The following PCNX2 variants were observed in gnomAD, a reference collection of about 807,000 sequenced individuals.
The protein encoded by PCNX2 is pecanex-like protein 2.
A neutral mutation model predicts 223.8 loss-of-function variants in PCNX2; 168 were observed. The ratio of observed to expected loss-of-function variants is 0.75; its 90% CI spans 0.66 to 0.85. PCNX2 has a LOEUF of 0.85. Among genes scored for constraint, PCNX2 ranks in the 40% least tolerant of loss-of-function variants. The pLI, the probability that PCNX2 is intolerant of heterozygous loss-of-function variation, is 0.00. For synonymous variants in PCNX2, 1,006 were observed against 1,052.6 expected, an observed-to-expected ratio of 0.96 and a Z score of 0.86; for missense variants, 2,507 against 2,675.5, an observed-to-expected ratio of 0.94 and a Z score of 1.39.
At chr1:233,199,191 A>G (rs1380728773) in intron 14 of PCNX2, among the ~76,000 whole-genome samples, 161 bp from the exon 15 acceptor site, 1 of 152,234 alleles carries the variant, frequency 6.6e-6, no homozygotes, top group Non-Finnish European at 1.5e-5. Flanking sequence ...GGTGACTCAC[A>G]GGTGCAAGAA....
At chr1:233,090,682 G>A (rs920322445) in intron 22 of PCNX2, among the ~76,000 whole-genome samples, 4 of 152,116 alleles carry the variant, frequency 2.6e-5, no homozygotes, top group Non-Finnish European at 5.9e-5. Context: ...TAGGTAGATG[G>A]ATACACAGAT....
In PCNX2 at chr1:232,990,414, G is replaced by A. The variant is rs920579652; in HGVS notation, c.5792-3874C>T. Reference sequence around the variant, plus strand: ...ATCACATCTTGGAGGGATTCTGGCCGGGGGATTGGGGCACCAAGGTCATGA... The same window carrying A: ...ATCACATCTTGGAGGGATTCTGGCCAGGGGATTGGGGCACCAAGGTCATGA... On this transcript the variant is annotated intron_variant, in intron 32 of 33. Coordinates refer to ENST00000258229, the MANE Select transcript of PCNX2 (RefSeq NM_014801.4). This position sits in a 1 kb window ranked among gnomAD's most constrained non-coding sequence, Gnocchi z 4.3. 3.9e-5 allele frequency among the ~76,000 whole-genome samples: 6 copies of A among 152,138 alleles called. No individual in the cohort carries two copies. Among genetic ancestry groups the A allele is most frequent in the Admixed American group, 6.5e-5 (1 of 15,278 alleles).
Position 232,991,308 on chromosome 1 carries a change from G to A in PCNX2, c.5792-4768C>T, listed in dbSNP as rs937583004. ...CAGCAGCTGAGGGGGCCCTGGAAAG[G>A]AGAATGCTTGACACTGTTGAGGGAC... On this transcript the variant is annotated intron_variant, in intron 32 of 33. Coordinates refer to ENST00000258229, the MANE Select transcript of PCNX2 (RefSeq NM_014801.4). This position sits in a 1 kb window ranked among gnomAD's most constrained non-coding sequence, Gnocchi z 4.3. Among the ~76,000 whole-genome samples the A allele has an allele frequency of 2.6e-5, 4 of 152,098 alleles. No homozygotes were observed. The highest frequency in any genetic ancestry group is 9.7e-5 in the African/African-American group (4 of 41,414).
chr1:233,112,841 T>G (rs1359225313), intron 21 of PCNX2: 1 of 1,278,724 alleles, frequency 7.8e-7, no homozygotes, highest in African/African-American at 1.5e-5. Flanking sequence ...AAGCTGACTC[T>G]TACTTTGAAG....
intron 15 of PCNX2, among the ~76,000 whole-genome samples, chr1:233,192,403 T>C (rs1202650848): frequency 6.6e-6 from 1 of 152,192 alleles, no homozygotes; most frequent in Non-Finnish European, 1.5e-5. Flanking sequence ...ACTGTCCTAA[T>C]ATTAAATCTT....
intron 32 of PCNX2, among the ~76,000 whole-genome samples, chr1:232,988,060 T>C (rs1669557254): frequency 6.6e-6 from 1 of 152,224 alleles, no homozygotes; most frequent in African/African-American, 2.4e-5. Context: ...GGCTGAGTAG[T>C]TGAATATATT....
At chr1:233,086,743 A>T (rs970857495) in intron 23 of PCNX2, among the ~76,000 whole-genome samples, 23 of 152,180 alleles carry the variant, frequency 1.5e-4, no homozygotes, top group South Asian at 1.2e-3. Flanking sequence ...CCCCATTTCA[A>T]GTGCTTGGTA....
intron 10 of PCNX2, 82 bp from the exon 11 acceptor site, chr1:233,218,266 T>C: frequency 1.0e-6 from 1 of 969,848 alleles, no homozygotes; most frequent in Non-Finnish European, 1.4e-6. Flanking sequence ...TTTTTTTTTC[T>C]GAGATGGAAT....
chr1:233,255,633 C>T (rs1181157437), intron 5 of PCNX2, among the ~76,000 whole-genome samples: 1 of 152,114 alleles, frequency 6.6e-6, no homozygotes, highest in African/African-American at 2.4e-5. Flanking sequence ...ATTTCTGAGA[C>T]CTGAGAATAA....
At position 233,263,140 on chromosome 1, in the gene PCNX2, A is replaced by C; in HGVS notation, c.177T>G (p.Ile59Met). 1 of 1,610,576 alleles carries C rather than the reference A, an allele frequency of 6.2e-7. No homozygotes were observed. The highest frequency in any genetic ancestry group is 8.5e-7 in the Non-Finnish European group (1 of 1,177,990). ...TCACTGCACTGCAGTAGAAAAATAC[A>C]ATGATCGCATTTGGAGGAAAAGCCT... ...LHLAFPPNAI[I>M]VFFYCSAVTI... is the part of the protein sequence containing the mutation. The change falls in exon 2 of 34, where the codon ATT becomes ATG. Residue 59 changes from isoleucine to methionine, a missense_variant. By Grantham distance (10) the Ile-to-Met change is conservative. Around this residue, in one of 3 missense-constraint regions of PCNX2, gnomAD observed 1,031 missense variants for 1,021.7 expected, o/e 1.01. Coordinates refer to ENST00000258229, the MANE Select transcript of PCNX2 (RefSeq NM_014801.4).
chr1:233,218,842 CTGGTT>C (rs1161815300), intron 10 of PCNX2, among the ~76,000 whole-genome samples: 1 of 152,118 alleles, frequency 6.6e-6, no homozygotes, highest in Admixed American at 6.5e-5. Flanking sequence ...AAGAGCTTCA[CTGGTT>C]CCTTTCAATG....
chr1:233,319,386 G>A, the PCNX2 span, among the ~76,000 whole-genome samples: 10 of 152,190 alleles, frequency 6.6e-5, no homozygotes, highest in African/African-American at 2.4e-4. Flanking sequence ...ATCTTTTCTG[G>A]TATTAGCTAC....
At chr1:233,018,544 G>C (rs1670764857) in intron 26 of PCNX2, among the ~76,000 whole-genome samples, 1 of 152,118 alleles carries the variant, frequency 6.6e-6, no homozygotes. Flanking sequence ...CCATTTTGTA[G>C]TTTTTGAATA....
intron 15 of PCNX2, among the ~76,000 whole-genome samples, chr1:233,186,968 A>G (rs1572041186): frequency 6.6e-6 from 1 of 152,314 alleles, no homozygotes; most frequent in East Asian, 1.9e-4. Flanking sequence ...GCCCTTTTGC[A>G]AGTTATCTGT....
chr1:233,023,342 A>G (rs1486625708), intron 26 of PCNX2, among the ~76,000 whole-genome samples: 1 of 152,206 alleles, frequency 6.6e-6, no homozygotes, highest in Non-Finnish European at 1.5e-5. Flanking sequence ...ACCCTCTTCC[A>G]GGTGGCATGT....
At chr1:233,133,481 A>G (rs542979525) in intron 21 of PCNX2, among the ~76,000 whole-genome samples, 382 of 152,310 alleles carry the variant, frequency 2.5e-3, no homozygotes, top group Non-Finnish European at 4.0e-3. Context: ...GGCAGGCTGC[A>G]GAAGTAATGG....
At chr1:233,131,310 C>T (rs535190099) in intron 21 of PCNX2, among the ~76,000 whole-genome samples, 4 of 152,078 alleles carry the variant, frequency 2.6e-5, no homozygotes, top group African/African-American at 9.6e-5. Context: ...CCCAGAGAGC[C>T]GTACTACCTG....
chr1:233,075,740 ACAG>A (rs1193328642), intron 23 of PCNX2, among the ~76,000 whole-genome samples: 1 of 122,370 alleles, frequency 8.2e-6, no homozygotes, highest in Non-Finnish European at 1.7e-5. Context: ...CACACACACA[ACAG>A]AAAAGAAATC....
At chr1:233,011,628 G>T (rs1670472231) in intron 28 of PCNX2, among the ~76,000 whole-genome samples, 1 of 152,104 alleles carries the variant, frequency 6.6e-6, no homozygotes, top group African/African-American at 2.4e-5. Flanking sequence ...GACAACCAAT[G>T]ACGCTCCATA....
Sources: allele counts gnomAD v4.1 joint callset (sites outside exome capture counted in the v4.1 genomes callset), GRCh38; gene constraint gnomAD v4.1.1; regional missense constraint gnomAD v4.1.1; non-coding constraint Gnocchi (gnomAD v3.1); transcripts MANE v1.5; gene names NCBI Gene and HGNC (gene_info 2026-07-23, HGNC 2026-07-21).